Variants in TMPRSS13 observed in about 807,000 individuals in gnomAD.
TMPRSS13 encodes transmembrane serine protease 13, also known as transmembrane protease serine 13.
A neutral mutation model predicts 68.4 loss-of-function variants in TMPRSS13; 50 were observed. The ratio of observed to expected loss-of-function variants is 0.73; its 90% CI spans 0.58 to 0.93. TMPRSS13 has a LOEUF of 0.93. Among genes scored for constraint, TMPRSS13 ranks in the 40% least tolerant of loss-of-function variants. TMPRSS13 has a pLI of 0.00. For synonymous variants in TMPRSS13, 267 were observed against 285.8 expected, an observed-to-expected ratio of 0.93 and a Z score of 0.66; for missense variants, 615 against 729.2, an observed-to-expected ratio of 0.84 and a Z score of 1.80.
In TMPRSS13 at chr11:117,908,581, G is replaced by A. The variant is rs901359463; in HGVS notation, c.1282+31C>T. The A allele has an allele frequency of 4.5e-6, 7 of 1,546,768 alleles. No individual in the cohort carries two copies. In the African/African-American group the frequency reaches 5.5e-5, roughly 12 times the overall value. ...CTGCAGAGGGTGCTGGGGCTGGGGG[G>A]CAGGAGAGCGGGGAGTGCAGATTCC... On this transcript the variant is annotated intron_variant, in intron 9 of 12. Coordinates refer to ENST00000524993, the MANE Select transcript of TMPRSS13 (RefSeq NM_001077263.3).
In TMPRSS13 at chr11:117,918,848, G is replaced by A. The variant is rs760181881; in HGVS notation, c.22-10C>T. On this transcript the variant is annotated splice_polypyrimidine_tract_variant and intron_variant, in intron 1 of 12. Transcript: ENST00000524993. ...TTGCTGGAGATGCATTCTGAAAGCA[G>A]ATCGAAGAGTATCCCACAGGCTGCT... 5.6e-6 allele frequency: 9 copies of A among 1,612,718 alleles called. No individual in the cohort carries two copies. Among genetic ancestry groups the A allele is most frequent in the Non-Finnish European group, 7.6e-6 (9 of 1,179,818 alleles).
Position 117,924,675 on chromosome 11 carries a change from G to A in TMPRSS13, c.21+4612C>T, listed in dbSNP as rs542807463. Reference sequence around the variant, plus strand: ...AGGGGAGGCCTGAACCCTTCCCAGCGAGGGCCCGGCTGGACTGGGTGACTT... The same window carrying A: ...AGGGGAGGCCTGAACCCTTCCCAGCAAGGGCCCGGCTGGACTGGGTGACTT... On this transcript the variant is annotated intron_variant, in intron 1 of 12. Transcript: ENST00000524993. Among the ~76,000 whole-genome samples the A allele has an allele frequency of 4.6e-5, 7 of 152,172 alleles. No homozygotes were observed. The East Asian group carries it at 1.2e-3, about 25-fold the overall frequency.
At chr11:117,927,265 G>A (rs1172420919) in intron 1 of TMPRSS13, among the ~76,000 whole-genome samples, 1 of 152,198 alleles carries the variant, frequency 6.6e-6, no homozygotes, top group African/African-American at 2.4e-5. Flanking sequence ...TCCTTCGGGG[G>A]ACTGCTCCAT....
intron 11 of TMPRSS13, 58 bp from the exon 12 acceptor site, chr11:117,903,865 G>T: frequency 6.3e-7 from 1 of 1,598,112 alleles, no homozygotes; most frequent in Non-Finnish European, 8.5e-7. Flanking sequence ...GAGCGGGAAA[G>T]GGTGGGGTCC....
At chr11:117,908,934 C>A in intron 8 of TMPRSS13, 150 bp from the exon 9 acceptor site, 1 of 733,114 alleles carries the variant, frequency 1.4e-6, no homozygotes, top group Non-Finnish European at 2.2e-6. Flanking sequence ...TCTATCTTAT[C>A]CCTGGAGTCC....
At chr11:117,910,793 T>C in intron 6 of TMPRSS13, 43 bp from the exon 7 acceptor site, 2 of 1,571,800 alleles carry the variant, frequency 1.3e-6, no homozygotes, top group Non-Finnish European at 1.7e-6. Context: ...GCACATTAGC[T>C]ACCTCCTCCA....
At chr11:117,908,097 G>T in intron 9 of TMPRSS13, 1 of 929,216 alleles carries the variant, frequency 1.1e-6, no homozygotes, top group Non-Finnish European at 1.2e-6. Flanking sequence ...AGCCAGGTGG[G>T]GAGAGCACTG....
Position 117,905,652 on chromosome 11 carries a change from G to A in TMPRSS13, c.1367C>T (p.Thr456Ile). The change falls in exon 10 of 13, where the codon ACC becomes ATC. Residue 456 changes from threonine (T) to isoleucine (I), a missense_variant. Thr to Ile is a moderately conservative substitution (Grantham distance 89). Transcript: ENST00000524993. ...ETCWITGFGK[T>I]RETDDKTSPF... ...TTGCCTCTTACCATCTGTCTCCCTG[G>A]TCTTGCCAAAGCCTGTGATCCAGCA... 1 of 1,601,842 alleles carries A rather than the reference G, an allele frequency of 6.2e-7. No homozygotes were observed. The highest frequency in any genetic ancestry group is 8.5e-7 in the Non-Finnish European group (1 of 1,172,772).
At position 117,915,162 on chromosome 11, in the gene TMPRSS13, T is replaced by C. The variant is rs1053291050; in HGVS notation, c.557-648A>G. Reference sequence around the variant, plus strand: ...GATTCCCACATATACAAGTTGGGGCTAAAAGAAAACAGCTTTACAAGCCAT... The same window carrying C: ...GATTCCCACATATACAAGTTGGGGCCAAAAGAAAACAGCTTTACAAGCCAT... On this transcript the variant is annotated intron_variant, in intron 3 of 12. Transcript: ENST00000524993. This position sits in a 1 kb window ranked among gnomAD's most constrained non-coding sequence, Gnocchi z 4.9. 1.3e-5 allele frequency among the ~76,000 whole-genome samples: 2 copies of C among 152,056 alleles called. No homozygotes were observed. The highest frequency in any genetic ancestry group is 6.5e-5 in the Admixed American group (1 of 15,272).
intron 1 of TMPRSS13, among the ~76,000 whole-genome samples, chr11:117,921,605 AG>A (rs1342647200): frequency 6.6e-6 from 1 of 152,230 alleles, no homozygotes; most frequent in African/African-American, 2.4e-5. Context: ...CAGACCAGAC[AG>A]GGAACTGGTG....
chr11:117,913,925 G>A lies in TMPRSS13; in HGVS notation c.680-19C>T, dbSNP rs2057547130. On this transcript the variant is annotated intron_variant, in intron 4 of 12. Coordinates refer to ENST00000524993, the MANE Select transcript of TMPRSS13 (RefSeq NM_001077263.3). ...AACCTCACTGCAGGGCAAGAAAAAG[G>A]CAGAGCAGGTCCTCAGCACCTAGGA... 6.2e-7 allele frequency: 1 copy of A among 1,612,112 alleles called. No homozygotes were observed.
Position 117,903,981 on chromosome 11 carries a change from C to T in TMPRSS13, c.1502G>A (p.Arg501His), listed in dbSNP as rs774027435. ...TPRMMCAGDL[R>H]GGRDSCQGDS... ...CACCTGGCAGGAGTCTCTGCCCCCA[C>T]GAAGGTCCCCAGCACACATCATCCT... The change falls in exon 11 of 13, where the codon CGT (arginine) becomes CAT (histidine). Residue 501 changes from arginine (R) to histidine (H), a missense_variant. Transcript: ENST00000524993. The T allele has an allele frequency of 1.3e-5, 21 of 1,612,408 alleles. No individual in the cohort carries two copies. The highest frequency in any genetic ancestry group is 8.8e-5 in the South Asian group (8 of 90,588).
chr11:117,910,263 G>A (rs2057508549), intron 7 of TMPRSS13, among the ~76,000 whole-genome samples: 1 of 152,142 alleles, frequency 6.6e-6, no homozygotes, highest in South Asian at 2.1e-4. Context: ...TCATTGACTT[G>A]ACAAATCCTT....
Position 117,911,785 on chromosome 11 carries a change from G to T in TMPRSS13, c.885C>A (p.Ile295=). 6.2e-7 allele frequency: 1 copy of T among 1,614,010 alleles called. No individual in the cohort carries two copies. The highest frequency in any genetic ancestry group is 8.5e-7 in the Non-Finnish European group (1 of 1,179,972). Residue 295 remains isoleucine, a synonymous_variant, in exon 6 of 13, where the codon ATC becomes ATA. Transcript: ENST00000524993. ...SFSILRYNST[I]QESLHRSECP... ...CACCATACCTGTGGAGGCTTTCCTGGATGGTGGAGTTGTATCTCAAGATTG... is the reference window on the plus strand; with the variant it reads ...CACCATACCTGTGGAGGCTTTCCTGTATGGTGGAGTTGTATCTCAAGATTG...
In TMPRSS13 at chr11:117,918,478, C is replaced by G. The variant is rs752289870; in HGVS notation, c.382G>C (p.Gly128Arg). ...GGAGATGATCGGATGGGTACAGCCC[C>G]CACTGGTGTTGCTCTAACAAGGTAC... ...RVYLVRATPV[G>R]AVPIRSSPAR... The change falls in exon 2 of 13, where the codon GGG (glycine) becomes CGG (arginine). Residue 128 changes from glycine (G) to arginine (R), a missense_variant. Gly to Arg is a moderately radical substitution (Grantham distance 125, BLOSUM62 -2). Transcript: ENST00000524993. The G allele has an allele frequency of 6.2e-7, 1 of 1,614,072 alleles. No homozygotes were observed. Among genetic ancestry groups the G allele is most frequent in the Admixed American group, 1.7e-5 (1 of 60,000 alleles).
At chr11:117,906,379 C>A (rs2057465249) in intron 9 of TMPRSS13, among the ~76,000 whole-genome samples, 2 of 152,292 alleles carry the variant, frequency 1.3e-5, no homozygotes, top group South Asian at 4.1e-4. Flanking sequence ...GCTCTGAGGA[C>A]TGGTGTCCCT....
rs565158260 is a variant in TMPRSS13, at chr11:117,915,596, C to T, written c.557-1082G>A. Among the ~76,000 whole-genome samples the T allele has an allele frequency of 2.9e-3, 449 of 152,286 alleles. 3 individuals are homozygous for T. Among genetic ancestry groups the T allele is most frequent in the African/African-American group, 9.3e-3 (386 of 41,556 alleles). ...ATGTGTAGTGGAGAGGGTACTGGGC[C>T]GGGTTGGGAGTCAGGAGGCCTGGGC... On this transcript the variant is annotated intron_variant, in intron 3 of 12. Transcript: ENST00000524993. This position sits in a 1 kb window ranked among gnomAD's most constrained non-coding sequence, Gnocchi z 4.9.
chr11:117,918,413 G>A lies in TMPRSS13; in HGVS notation c.447C>T (p.Ser149=), dbSNP rs772448708. 52 of 1,613,130 alleles carry A rather than the reference G, an allele frequency of 3.2e-5. No homozygotes were observed. The South Asian group carries it at 5.5e-4, about 17-fold the overall frequency. The change falls in exon 2 of 13, where the codon AGC becomes AGT. Residue 149 remains serine, a synonymous_variant. Transcript: ENST00000524993. ...TCCCTACAGCATCCCCCTTACCTGGGCTCTCCCTGGTGGCCCTGGTTGCTG... is the reference window on the plus strand; with the variant it reads ...TCCCTACAGCATCCCCCTTACCTGGACTCTCCCTGGTGGCCCTGGTTGCTG... ...SAPATRATRE[S]PGTSLPKFTW...
intron 7 of TMPRSS13, among the ~76,000 whole-genome samples, chr11:117,910,222 G>A (rs937440731): frequency 2.5e-4 from 38 of 152,142 alleles, no homozygotes; most frequent in African/African-American, 8.7e-4. Flanking sequence ...ACCCCAGGCA[G>A]GTTCCTCTTT....
Sources: allele counts gnomAD v4.1 joint callset (sites outside exome capture counted in the v4.1 genomes callset), GRCh38; gene constraint gnomAD v4.1.1; non-coding constraint Gnocchi (gnomAD v3.1); transcripts MANE v1.5; gene names NCBI Gene and HGNC (gene_info 2026-07-23, HGNC 2026-07-21).